The following KIAA1328 variants were observed in gnomAD, a reference collection of about 807,000 sequenced individuals.
KIAA1328 encodes KIAA1328.
In KIAA1328, 52 loss-of-function variants were observed where a neutral mutation model predicts 68.1. The observed-to-expected ratio is 0.76, with a 90% CI of 0.61 to 0.96. The LOEUF is 0.96. Ranked by LOEUF, KIAA1328 falls within the 40% of genes least tolerant of loss-of-function variation. The pLI, the probability that KIAA1328 is intolerant of heterozygous loss-of-function variation, is 0.00. For missense variants in KIAA1328, 641 were observed against 677.6 expected, an observed-to-expected ratio of 0.95 and a Z score of 0.60; for synonymous variants, 232 against 239.4, an observed-to-expected ratio of 0.97 and a Z score of 0.28.
At chr18:37,109,984 T>A (rs1568418156) in intron 7 of KIAA1328, among the ~76,000 whole-genome samples, 1 of 151,796 alleles carries the variant, frequency 6.6e-6, no homozygotes, top group Non-Finnish European at 1.5e-5. Flanking sequence ...AGAGGTAGCA[T>A]CTTAGATAGT....
chr18:36,925,137 A>C (rs1234338697), intron 5 of KIAA1328: 1 of 152,220 alleles, frequency 6.6e-6, no homozygotes, highest in Non-Finnish European at 1.5e-5. Flanking sequence ...AGTATTTTGT[A>C]AACTCTGTAA....
intron 7 of KIAA1328, among the ~76,000 whole-genome samples, chr18:37,138,095 TC>T (rs2058684739): frequency 1.3e-5 from 2 of 152,348 alleles, no homozygotes; most frequent in African/African-American, 4.8e-5. Flanking sequence ...TTAAATGTTT[TC>T]TCATTTAATA....
chr18:36,922,229 TAGA>T (rs2049955016), intron 5 of KIAA1328, among the ~76,000 whole-genome samples: 1 of 152,218 alleles, frequency 6.6e-6, no homozygotes, highest in South Asian at 2.1e-4. Flanking sequence ...TTGCTGTGTC[TAGA>T]ATGTAGTTGT....
At chr18:37,168,327 G>A (rs556064207) in intron 8 of KIAA1328, among the ~76,000 whole-genome samples, 5 of 152,322 alleles carry the variant, frequency 3.3e-5, no homozygotes, top group Admixed American at 2.0e-4. Flanking sequence ...CTTACCACAC[G>A]TAATTACAAG....
At chr18:36,883,798 G>T (rs183444431) in intron 4 of KIAA1328, among the ~76,000 whole-genome samples, 208 of 151,926 alleles carry the variant, frequency 1.4e-3, no homozygotes, top group African/African-American at 4.9e-3. Flanking sequence ...CAAATTTCAG[G>T]TCTTTATACT....
chr18:37,114,241 T>C (rs1010019271), intron 7 of KIAA1328, among the ~76,000 whole-genome samples: 38 of 152,176 alleles, frequency 2.5e-4, no homozygotes, highest in Admixed American at 5.2e-4. Flanking sequence ...TATTCCAAAA[T>C]TGACCACATA....
intron 5 of KIAA1328, among the ~76,000 whole-genome samples, chr18:36,919,182 C>T (rs919325042): frequency 2.6e-5 from 4 of 152,136 alleles, no homozygotes; most frequent in African/African-American, 7.2e-5. Flanking sequence ...TTCCTCCATA[C>T]TTGTTAATAC....
intron 6 of KIAA1328, among the ~76,000 whole-genome samples, chr18:36,978,983 G>T (rs1246565805): frequency 6.6e-6 from 1 of 152,058 alleles, no homozygotes; most frequent in Non-Finnish European, 1.5e-5. Context: ...AACATAGCCA[G>T]ACCCCATCTC....
chr18:36,983,763 A>G (rs1333528682), intron 6 of KIAA1328, among the ~76,000 whole-genome samples: 8 of 152,158 alleles, frequency 5.3e-5, no homozygotes, highest in African/African-American at 1.9e-4. Flanking sequence ...ATACTTAACA[A>G]TTCATTGTGT....
At chr18:36,959,695 G>A (rs1481752475) in intron 6 of KIAA1328, among the ~76,000 whole-genome samples, 1 of 152,176 alleles carries the variant, frequency 6.6e-6, no homozygotes, top group Non-Finnish European at 1.5e-5. Flanking sequence ...AGCACAGCCA[G>A]AAGGGTAAAG....
At chr18:37,080,814 T>A (rs1215081712) in intron 7 of KIAA1328, among the ~76,000 whole-genome samples, 1 of 151,476 alleles carries the variant, frequency 6.6e-6, no homozygotes, top group Non-Finnish European at 1.5e-5. Flanking sequence ...CTAATCATGC[T>A]GGTTTCTGGT....
At chr18:37,193,548 A>G in intron 9 of KIAA1328, 2 of 698,482 alleles carry the variant, frequency 2.9e-6, no homozygotes. Context: ...AACCTATTTA[A>G]TCCTTGAACC....
rs762722826 is a variant in KIAA1328, at chr18:36,829,220, G to A, written c.58+24G>A. ...CTGTATCCTTTGCCCGCCTGACAGG[G>A]GGCGCCGGCGCCCTCCACGGGACGG... is the stretch of plus-strand genomic sequence containing the variant. On this transcript the variant is annotated intron_variant, in intron 1 of 9. Coordinates refer to ENST00000280020, the MANE Select transcript of KIAA1328 (RefSeq NM_020776.3). The A allele has an allele frequency of 1.3e-5, 20 of 1,500,982 alleles. No homozygotes were observed. The South Asian group carries it at 2.5e-4, about 19-fold the overall frequency. The allele number at this position is 1,500,982 out of a possible 1,614,324, so 93.0% of individuals were successfully genotyped here. A position where few individuals can be genotyped will look rare whatever the true frequency, so the allele number is the denominator to read the frequency against.
intron 1 of KIAA1328, 146 bp from the exon 2 acceptor site, chr18:36,834,174 A>T (rs1346049263): frequency 8.5e-7 from 1 of 1,178,940 alleles, no homozygotes; most frequent in Non-Finnish European, 1.1e-6. Context: ...TAATTCAATT[A>T]CTTTGCTTTC....
At chr18:37,011,447 C>G (rs189560347) in intron 6 of KIAA1328, among the ~76,000 whole-genome samples, 2 of 152,232 alleles carry the variant, frequency 1.3e-5, no homozygotes, top group African/African-American at 4.8e-5. Flanking sequence ...AAATAAATCC[C>G]AAGTCCTACC....
At chr18:36,983,717 C>A (rs1034894513) in intron 6 of KIAA1328, among the ~76,000 whole-genome samples, 5 of 152,030 alleles carry the variant, frequency 3.3e-5, no homozygotes, top group African/African-American at 4.8e-5. Flanking sequence ...ACTCTATTTT[C>A]TACATAAAGT....
At position 36,961,332 on chromosome 18, in the gene KIAA1328, A is replaced by T. The variant is rs183893761; in HGVS notation, c.576+1897A>T. Among the ~76,000 whole-genome samples, 436 of 152,352 alleles carry T rather than the reference A, an allele frequency of 2.9e-3. 1 individual carries two copies. Among genetic ancestry groups the T allele is most frequent in the Non-Finnish European group, 4.2e-3 (284 of 68,034 alleles). On this transcript the variant is annotated intron_variant, in intron 6 of 9. Coordinates refer to ENST00000280020, the MANE Select transcript of KIAA1328 (RefSeq NM_020776.3). The stretch of plus-strand genomic sequence containing the variant: ...GGGAATATGTGAAAAGACCAAATCT[A>T]CATTTGGTTGGTGTACCTGAAAGTG...
At chr18:37,039,845 G>T (rs191871041) in intron 6 of KIAA1328, among the ~76,000 whole-genome samples, 4 of 152,164 alleles carry the variant, frequency 2.6e-5, no homozygotes, top group African/African-American at 9.7e-5. Context: ...TACTACAGAC[G>T]TGAAATGTAG....
At chr18:36,954,486 A>G (rs968564509) in intron 5 of KIAA1328, 1 of 152,138 alleles carries the variant, frequency 6.6e-6, no homozygotes, top group Non-Finnish European at 1.5e-5. Context: ...CCATTGAAAG[A>G]TGCATTTTCT....
Sources: allele counts gnomAD v4.1 joint callset (sites outside exome capture counted in the v4.1 genomes callset), GRCh38; gene constraint gnomAD v4.1.1; transcripts MANE v1.5; gene names NCBI Gene and HGNC (gene_info 2026-07-23, HGNC 2026-07-21).